EPHB4: variants seen among roughly 807,000 people sequenced by gnomAD.
EPHB4 encodes ephrin type-B receptor 4.
EPHB4 carries 50 observed loss-of-function variants against 110.6 expected under a neutral mutation model. The ratio of observed to expected loss-of-function variants is 0.45; its 90% confidence interval spans 0.36 to 0.57. The LOEUF (loss-of-function observed/expected upper bound fraction) is 0.57, where lower values mean the gene tolerates loss of function less well. EPHB4 is among the 20% of genes least tolerant of loss of function. EPHB4 has a pLI of 0.00. For missense variants in EPHB4, 1,128 were observed against 1,382.1 expected, an observed-to-expected ratio of 0.82 and a Z score of 2.91; for synonymous variants, 592 against 578.4, an observed-to-expected ratio of 1.02 and a Z score of -0.34.
chr7:100,806,284 A>G, intron 14 of EPHB4, 136 bp downstream of exon 14: 1 of 1,108,594 alleles, frequency 9.0e-7, no homozygotes, highest in Non-Finnish European at 1.2e-6. Flanking sequence ...TTTGATACAA[A>G]GATCAATTCT....
Position 100,817,276 on chromosome 7 carries a change from T to C in EPHB4, c.1504A>G (p.Ser502Gly), listed in dbSNP as rs757738890. The change falls in exon 8 of 17, where the codon AGC (serine) becomes GGC (glycine). Residue 502 changes from serine to glycine, a missense_variant. Around this residue, in one of 3 missense-constraint regions of EPHB4, gnomAD observed 728 missense variants for 828.6 expected, o/e 0.88. Coordinates refer to ENST00000358173, the MANE Select transcript of EPHB4 (RefSeq NM_004444.5). ...AELRGLKRGASYLVQVRARSE... is the reference protein window; with the variant it reads ...AELRGLKRGAGYLVQVRARSE... Reference sequence around the variant, plus strand: ...CGCGCCCGTACCTGCACCAGGTAGCTGGCTCCCCGCTTCAGCCCCCGCAGC... The same window carrying C: ...CGCGCCCGTACCTGCACCAGGTAGCCGGCTCCCCGCTTCAGCCCCCGCAGC... 5 of 1,603,762 alleles carry C rather than the reference T, an allele frequency of 3.1e-6. No homozygotes were observed. The East Asian group carries it at 9.1e-5, about 29-fold the overall frequency.
At chr7:100,814,185 G>C (rs894565268) in intron 8 of EPHB4, 164 bp from the exon 9 acceptor site, 4 of 670,404 alleles carry the variant, frequency 6.0e-6, no homozygotes, top group African/African-American at 5.4e-5. Flanking sequence ...ACAAACAGTG[G>C]GTTTCAAACT....
Position 100,823,868 on chromosome 7 carries a change from C to A in EPHB4, c.187G>T (p.Val63Leu), listed in dbSNP as rs752453773. ...HSVRTYEVCD[V>L]QRAPGQAHWL... ...TGGGCCTGGCCCGGGGCACGCTGCA[C>A]GTCACACACTTCGTAGGTGCGCACG... Residue 63 changes from valine (V) to leucine (L), a missense_variant, in exon 3 of 17, where the codon GTG (valine) becomes TTG (leucine). Val to Leu is a conservative substitution (Grantham distance 32). This residue lies in a region of EPHB4 where 728 missense variants were observed against 828.6 expected (regional missense o/e 0.88). Transcript: ENST00000358173. The A allele has an allele frequency of 1.2e-6, 2 of 1,612,130 alleles. No homozygotes were observed. The highest frequency in any genetic ancestry group is 1.3e-5 in the African/African-American group (1 of 75,042).
intron 8 of EPHB4, among the ~76,000 whole-genome samples, chr7:100,816,831 C>T (rs189530829): frequency 0.011 from 1,661 of 152,234 alleles, 13 homozygotes; most frequent in Non-Finnish European, 0.017. Flanking sequence ...TGCCTGTAAT[C>T]CCAGCACTTC....
At chr7:100,806,611 G>A (rs368960535) in intron 13 of EPHB4, 42 bp from the exon 14 acceptor site, 1 of 1,589,528 alleles carries the variant, frequency 6.3e-7, no homozygotes, top group Non-Finnish European at 8.6e-7. Flanking sequence ...GACTCACTGA[G>A]GGACTCACCA....
At chr7:100,823,564 A>C in intron 3 of EPHB4, 80 bp downstream of exon 3, 1 of 1,546,928 alleles carries the variant, frequency 6.5e-7, no homozygotes, top group Non-Finnish European at 8.7e-7. Context: ...TCGCAACTAC[A>C]TCGGCTGCCC....
At position 100,818,527 on chromosome 7, in the gene EPHB4, T is replaced by G; in HGVS notation, c.1415A>C (p.His472Pro). 1 of 1,613,916 alleles carries G rather than the reference T, an allele frequency of 6.2e-7. No individual in the cohort carries two copies. The highest frequency in any genetic ancestry group is 8.5e-7 in the Non-Finnish European group (1 of 1,179,956). The change falls in exon 7 of 17, where the codon CAT (histidine) becomes CCT (proline). Residue 472 changes from histidine to proline, a missense_variant. By Grantham distance (77) the His-to-Pro change is moderately conservative (BLOSUM62 -2). Coordinates refer to ENST00000358173, the MANE Select transcript of EPHB4 (RefSeq NM_004444.5). ...GCTGGGGGATGGCCTTACCTTCTCA[T>G]GGTATTTGACCTCGTAGTCCAGCAC... ...GAVLDYEVKY[H>P]EKGAEGPSSV... is the part of the protein sequence containing the mutation.
At chr7:100,820,050 A>C (rs1312427548) in intron 5 of EPHB4, 91 bp downstream of exon 5, 11 of 1,538,916 alleles carry the variant, frequency 7.1e-6, no homozygotes, top group African/African-American at 1.4e-5. Context: ...CAAAGGGAAG[A>C]AGCCCAGGGA....
At chr7:100,824,056 T>C (rs1813311784) in intron 2 of EPHB4, 125 bp from the exon 3 acceptor site, 6 of 1,522,508 alleles carry the variant, frequency 3.9e-6, no homozygotes, top group Non-Finnish European at 5.3e-6. Context: ...GGAGGGCGCC[T>C]CTGAGAAGGG....
At chr7:100,805,033 G>A in intron 16 of EPHB4, 133 bp downstream of exon 16, 5 of 1,215,186 alleles carry the variant, frequency 4.1e-6, no homozygotes, top group Non-Finnish European at 4.5e-6. Context: ...GCCCTTCTAG[G>A]CATGGCATGA....
At chr7:100,819,924 C>A (rs754227893) in intron 5 of EPHB4, 35 bp from the exon 6 acceptor site, 14 of 1,524,886 alleles carry the variant, frequency 9.2e-6, no homozygotes, top group African/African-American at 2.8e-5. Context: ...AGAGGCCGAC[C>A]TGCTCTGCGG....
chr7:100,811,388 C>T (rs983131042), intron 12 of EPHB4, among the ~76,000 whole-genome samples: 6 of 151,538 alleles, frequency 4.0e-5, no homozygotes, highest in African/African-American at 1.5e-4. Context: ...CTTTTTTTCA[C>T]ATTTGAAATG....
chr7:100,816,507 T>C (rs1015090709), intron 8 of EPHB4, among the ~76,000 whole-genome samples: 1 of 151,960 alleles, frequency 6.6e-6, no homozygotes, highest in Non-Finnish European at 1.5e-5. Context: ...CTAACTTCTA[T>C]ATTTTTAGTA....
chr7:100,817,467 T>C (rs1378051847), intron 7 of EPHB4, 110 bp from the exon 8 acceptor site: 3 of 1,262,470 alleles, frequency 2.4e-6, no homozygotes, highest in Non-Finnish European at 2.1e-6. Context: ...GCCTTGCAAC[T>C]GGTGAGGCCT....
rs35304729 is a variant in EPHB4, at chr7:100,817,082, CAAAA to C, written c.1588+106_1588+109del. Reference sequence around the variant, plus strand: ...TGAGGGACAGAGCAAGACTCCATCTCAAAAAAAAAAAAAAAAAAAAAAGATGATG... The same window carrying C: ...TGAGGGACAGAGCAAGACTCCATCTCAAAAAAAAAAAAAAAAAAGATGATG... On this transcript the variant is annotated intron_variant, in intron 8 of 16. Transcript: ENST00000358173. 6,894 of 779,230 alleles carry C rather than the reference CAAAA, an allele frequency of 8.8e-3. 2 individuals carry two copies. The East Asian group carries it at 0.12, about 14-fold the overall frequency. 48.3% of individuals were successfully genotyped at this position (779,230 alleles called of 1,614,324 possible).
intron 12 of EPHB4, among the ~76,000 whole-genome samples, chr7:100,811,208 C>T (rs1300516356): frequency 1.3e-5 from 2 of 151,018 alleles, no homozygotes; most frequent in Non-Finnish European, 2.9e-5. Context: ...GCCAAGAACG[C>T]ACCACTGCAC....
Position 100,818,666 on chromosome 7 carries a change from G to A in EPHB4, c.1298-22C>T, listed in dbSNP as rs778528354. ...GGTACTGTGAGAGGCAGAGACACAG[G>A]GAACCCTTGTGCATGGTAGCTCTGT... On this transcript the variant is annotated intron_variant, in intron 6 of 16. Transcript: ENST00000358173. 3.1e-6 allele frequency: 5 copies of A among 1,602,628 alleles called. No individual in the cohort carries two copies. In the Admixed American group the frequency reaches 6.7e-5, roughly 22 times the overall value.
intron 7 of EPHB4, among the ~76,000 whole-genome samples, chr7:100,817,866 T>TA (rs1813119218): frequency 7.9e-6 from 1 of 126,524 alleles, no homozygotes; most frequent in Non-Finnish European, 1.6e-5. Context: ...TGCGTTTTTT[T>TA]TTTTTTTTTT....
rs1356461683 is a variant in EPHB4, at chr7:100,805,533, G to C, written c.2646C>G (p.Ala882=). 12 of 1,525,502 alleles carry C rather than the reference G, an allele frequency of 7.9e-6. No homozygotes were observed. The allele number at this position is 1,525,502 out of a possible 1,614,324, so 94.5% of individuals were successfully genotyped here. A position where few individuals can be genotyped will look rare whatever the true frequency, so the allele number is the denominator to read the frequency against. ...SALDKMIRNP[A]SLKIVARENG... is the part of the protein sequence containing the mutation. ...TCTCCCGGGCCACGATTTTGAGGCTGGCGGGGTTCCGGATCATCTTGTCCA... is the reference window on the plus strand; with the variant it reads ...TCTCCCGGGCCACGATTTTGAGGCTCGCGGGGTTCCGGATCATCTTGTCCA... Residue 882 remains alanine, a synonymous_variant, in exon 15 of 17, where the codon GCC becomes GCG. Transcript: ENST00000358173.
Sources: allele counts gnomAD v4.1 joint callset (sites outside exome capture counted in the v4.1 genomes callset), GRCh38; gene constraint gnomAD v4.1.1; regional missense constraint gnomAD v4.1.1; transcripts MANE v1.5; gene names NCBI Gene and HGNC (gene_info 2026-07-23, HGNC 2026-07-21).